The following NRG1 variants were observed in gnomAD, a reference collection of about 807,000 sequenced individuals.
The protein encoded by NRG1 is neuregulin 1.
Under a neutral mutation model 63.8 loss-of-function variants are expected in NRG1, and 18 were observed. The observed-to-expected ratio is 0.28, with a 90% confidence interval of 0.19 to 0.42. The LOEUF (loss-of-function observed/expected upper bound fraction) is 0.42, where lower values mean the gene tolerates loss of function less well. NRG1 is among the 10% of genes least tolerant of loss of function. NRG1 has a pLI of 1.00. For synonymous variants in NRG1, 302 were observed against 301.3 expected (o/e 1.00, Z -0.02); for missense variants, 762 against 814.7 (o/e 0.94, Z 0.79).
chr8:31,669,464 C>T (rs946495459), intron 1 of NRG1, among the ~76,000 whole-genome samples: 2 of 152,138 alleles, frequency 1.3e-5, no homozygotes, highest in African/African-American at 4.8e-5. Context: ...GTCTCGAACT[C>T]CTGGGCTCAA....
At chr8:32,743,213 C>T in intron 7 of NRG1, 1 of 985,690 alleles carries the variant, frequency 1.0e-6, no homozygotes, top group Non-Finnish European at 1.2e-6. Context: ...CACAAATAAA[C>T]ATAATAAAAG....
chr8:32,199,282 C>T (rs1173894217), intron 1 of NRG1, among the ~76,000 whole-genome samples: 4 of 152,226 alleles, frequency 2.6e-5, no homozygotes, highest in South Asian at 2.1e-4. Context: ...CTTTCATTCC[C>T]GCTATATACT....
chr8:32,528,352 A>C (rs181060715), intron 1 of NRG1, among the ~76,000 whole-genome samples: 7 of 152,292 alleles, frequency 4.6e-5, no homozygotes, highest in Admixed American at 1.3e-4. Context: ...CCAGTATGCA[A>C]GTTATAGGCA....
At chr8:32,505,143 G>A (rs1366198352) in intron 1 of NRG1, among the ~76,000 whole-genome samples, 1 of 152,120 alleles carries the variant, frequency 6.6e-6, no homozygotes, top group Non-Finnish European at 1.5e-5. Flanking sequence ...TATTTTCTGG[G>A]ACAAACAGTA....
At chr8:32,645,741 A>G (rs1030176428) in intron 5 of NRG1, among the ~76,000 whole-genome samples, 7 of 152,152 alleles carry the variant, frequency 4.6e-5, no homozygotes, top group Admixed American at 2.0e-4. Flanking sequence ...TTCCTTGGAA[A>G]CCGTTTAGAT....
intron 5 of NRG1, among the ~76,000 whole-genome samples, chr8:32,666,375 A>C (rs1227224754): frequency 6.6e-6 from 1 of 152,196 alleles, no homozygotes; most frequent in Non-Finnish European, 1.5e-5. Flanking sequence ...CAATAACTGA[A>C]GTGAAAAACC....
chr8:31,945,539 T>C (rs999770058), intron 1 of NRG1, among the ~76,000 whole-genome samples: 1 of 152,210 alleles, frequency 6.6e-6, no homozygotes, highest in African/African-American at 2.4e-5. Context: ...GCGCCCCTTT[T>C]TACTGTGATG....
chr8:32,375,631 A>G (rs539284868), intron 1 of NRG1, among the ~76,000 whole-genome samples: 2 of 152,284 alleles, frequency 1.3e-5, no homozygotes, highest in East Asian at 3.9e-4. Context: ...AGGTGACCCA[A>G]TCAACTGCCT....
At chr8:32,471,248 CAAT>C (rs1403767654) in intron 1 of NRG1, among the ~76,000 whole-genome samples, 1 of 152,170 alleles carries the variant, frequency 6.6e-6, no homozygotes, top group East Asian at 1.9e-4. Flanking sequence ...GTTTCAACAA[CAAT>C]AAGATTCTTT....
At chr8:32,601,082 TA>T (rs1844271542) in intron 2 of NRG1, among the ~76,000 whole-genome samples, 1 of 152,178 alleles carries the variant, frequency 6.6e-6, no homozygotes, top group African/African-American at 2.4e-5. Context: ...GTCCTTACTC[TA>T]GGACACAAGG....
chr8:32,669,924 C>A (rs1805187122), intron 5 of NRG1, among the ~76,000 whole-genome samples: 1 of 152,158 alleles, frequency 6.6e-6, no homozygotes, highest in Non-Finnish European at 1.5e-5. Flanking sequence ...ACACTACATT[C>A]TGTTGTATCC....
chr8:32,187,934 G>A (rs898105720), intron 1 of NRG1, among the ~76,000 whole-genome samples: 8 of 152,196 alleles, frequency 5.3e-5, no homozygotes, highest in African/African-American at 1.7e-4. Context: ...GTGCAGAGGA[G>A]TTTGTTCACA....
chr8:31,815,534 A>G (rs946727839), intron 1 of NRG1, among the ~76,000 whole-genome samples: 4 of 152,168 alleles, frequency 2.6e-5, no homozygotes, highest in African/African-American at 4.8e-5. Flanking sequence ...TTTATCTATC[A>G]TGAATAATGC....
chr8:32,634,557 A>G (rs1850959006), intron 5 of NRG1, among the ~76,000 whole-genome samples: 1 of 152,212 alleles, frequency 6.6e-6, no homozygotes, highest in Non-Finnish European at 1.5e-5. Flanking sequence ...TCCACATTAA[A>G]TCCTGGTGTT....
chr8:32,247,355 G>A (rs566814330), intron 1 of NRG1, among the ~76,000 whole-genome samples: 43 of 152,152 alleles, frequency 2.8e-4, no homozygotes, highest in Admixed American at 5.9e-4. Flanking sequence ...ATAACATTCT[G>A]CCCATACAGA....
chr8:31,709,102 T>A (rs1428196993), intron 1 of NRG1, among the ~76,000 whole-genome samples: 1 of 152,004 alleles, frequency 6.6e-6, no homozygotes, highest in Non-Finnish European at 1.5e-5. Context: ...TAAAAGTGGA[T>A]TTTTGGAGTT....
rs552522656 is a variant in NRG1, at chr8:32,354,274, C to T, written c.38-241554C>T. On this transcript the variant is annotated intron_variant, in intron 1 of 10. Coordinates refer to the NRG1 transcript ENST00000519301. The stretch of plus-strand genomic sequence containing the variant: ...ATCCCAGCTACTAGGGAGGCTGAGG[C>T]AGGAGAATCGCTAGAACCCGGGAGG... Among the ~76,000 whole-genome samples the T allele has an allele frequency of 3.3e-5, 5 of 152,156 alleles. No homozygotes were observed. The South Asian group carries it at 1.0e-3, about 32-fold the overall frequency.
chr8:32,254,047 AT>A lies in NRG1; in HGVS notation c.38-341774del, dbSNP rs1265702165. Among the ~76,000 whole-genome samples, 55 of 151,734 alleles carry A rather than the reference AT, an allele frequency of 3.6e-4. No individual in the cohort carries two copies. In the East Asian group the frequency reaches 8.7e-3, roughly 24 times the overall value. ...GATCAGTGGTGATATCCCCTTCATCATTTTTTTATTGTGTCTATTTGATTCT... is the reference window on the plus strand; with the variant it reads ...GATCAGTGGTGATATCCCCTTCATCATTTTTTATTGTGTCTATTTGATTCT... On this transcript the variant is annotated intron_variant, in intron 1 of 10. Coordinates refer to the NRG1 transcript ENST00000519301.
chr8:32,433,376 A>T (rs1460637148), intron 1 of NRG1, among the ~76,000 whole-genome samples: 1 of 152,142 alleles, frequency 6.6e-6, no homozygotes, highest in Non-Finnish European at 1.5e-5. Flanking sequence ...AGGAAAAACT[A>T]GGTATGTCCA....
Sources: gnomAD v4.1 joint callset for allele counts (sites outside exome capture counted in the v4.1 genomes callset) on GRCh38, gnomAD v4.1.1 for gene constraint, MANE v1.5 for transcripts, NCBI Gene and HGNC (gene_info 2026-07-23, HGNC 2026-07-21) for gene names.